NRXN3: variants seen among roughly 807,000 people sequenced by gnomAD.
NRXN3 encodes the protein neurexin III.
A neutral mutation model predicts 137.6 loss-of-function variants in NRXN3; 32 were observed. The ratio of observed to expected loss-of-function variants is 0.23; its 90% CI spans 0.18 to 0.31. The LOEUF is 0.31. Ranked by LOEUF, NRXN3 falls within the 10% of genes least tolerant of loss-of-function variation. The pLI is 1.00. For synonymous variants in NRXN3, 798 were observed against 784.5 expected (o/e 1.02, Z -0.29); for missense variants, 1,574 against 2,062.5 (o/e 0.76, Z 4.59).
At chr14:79,262,617 T>G (rs2153410384) in intron 15 of NRXN3, among the ~76,000 whole-genome samples, 1 of 152,264 alleles carries the variant, frequency 6.6e-6, no homozygotes, top group Admixed American at 6.5e-5. Flanking sequence ...TTCCAAATAT[T>G]TGTCAAAAGC....
chr14:78,420,435 T>G (rs895771379), intron 4 of NRXN3, among the ~76,000 whole-genome samples: 3 of 152,112 alleles, frequency 2.0e-5, no homozygotes, highest in Non-Finnish European at 4.4e-5. Flanking sequence ...AGGGATGCAA[T>G]AAAATTTATC....
chr14:79,187,839 T>G (rs1052482596), intron 15 of NRXN3, among the ~76,000 whole-genome samples: 1 of 152,224 alleles, frequency 6.6e-6, no homozygotes, highest in East Asian at 1.9e-4. Flanking sequence ...CTAAATTGTT[T>G]GCGACTTGAG....
At chr14:78,962,898 A>G (rs1567833582) in intron 11 of NRXN3, among the ~76,000 whole-genome samples, 1 of 151,886 alleles carries the variant, frequency 6.6e-6, no homozygotes, top group African/African-American at 2.4e-5. Flanking sequence ...ATTTTTAGTA[A>G]AGACGGGTTT....
intron 1 of NRXN3, among the ~76,000 whole-genome samples, chr14:78,237,482 G>A (rs1426581332): frequency 6.6e-6 from 1 of 152,124 alleles, no homozygotes; most frequent in Non-Finnish European, 1.5e-5. Flanking sequence ...GGTGGAGATG[G>A]ATCATACTCC....
At chr14:78,373,247 G>A (rs1340866235) in intron 4 of NRXN3, among the ~76,000 whole-genome samples, 1 of 128,500 alleles carries the variant, frequency 7.8e-6, no homozygotes. Context: ...GTGGTTGTAG[G>A]TAGGTTGGGA....
chr14:78,223,200 G>A (rs1450402154), intron 1 of NRXN3, among the ~76,000 whole-genome samples: 2 of 152,212 alleles, frequency 1.3e-5, no homozygotes, highest in Non-Finnish European at 2.9e-5. Flanking sequence ...AAAGGGGGAG[G>A]CTGAAGCATT....
intron 8 of NRXN3, among the ~76,000 whole-genome samples, chr14:78,750,746 A>C (rs1246183255): frequency 6.7e-6 from 1 of 148,396 alleles, no homozygotes; most frequent in African/African-American, 2.4e-5. Context: ...AAAAACCCCC[A>C]AACAATTATT....
In NRXN3 at chr14:79,798,057, C is replaced by T. The variant is rs552895253; in HGVS notation, c.4015-7055C>T. Among the ~76,000 whole-genome samples, 32 of 151,566 alleles carry T rather than the reference C, an allele frequency of 2.1e-4. No homozygotes were observed. In the South Asian group the frequency reaches 5.0e-3, roughly 24 times the overall value. On this transcript the variant is annotated intron_variant, in intron 19 of 20. Coordinates refer to ENST00000335750, the MANE Select transcript of NRXN3 (RefSeq NM_001330195.2). The stretch of plus-strand genomic sequence containing the variant: ...TCAAGGCTGCAGTGAGCCATGATTA[C>T]GCCCCTGCACTCCAGCCTAGGTGAC...
chr14:79,209,857 G>C (rs893153428), intron 15 of NRXN3, among the ~76,000 whole-genome samples: 4 of 152,140 alleles, frequency 2.6e-5, no homozygotes, highest in African/African-American at 7.2e-5. Flanking sequence ...ACAGCTATTA[G>C]TCTGTAGTAC....
At chr14:78,964,261 C>T (rs2099413397) in intron 11 of NRXN3, among the ~76,000 whole-genome samples, 1 of 152,190 alleles carries the variant, frequency 6.6e-6, no homozygotes. Flanking sequence ...AGGCAAATAT[C>T]ATTTTAATTA....
At chr14:78,206,314 A>T (rs1410877692) in intron 1 of NRXN3, among the ~76,000 whole-genome samples, 3 of 152,136 alleles carry the variant, frequency 2.0e-5, no homozygotes, top group African/African-American at 7.2e-5. Context: ...CTCAATGCAG[A>T]GTGTTCAGAC....
intron 15 of NRXN3, among the ~76,000 whole-genome samples, chr14:79,211,546 A>G (rs2067661646): frequency 1.3e-5 from 2 of 152,188 alleles, no homozygotes; most frequent in African/African-American, 4.8e-5. Context: ...ATGAGGAAAC[A>G]GGAGACCCTA....
At chr14:78,464,396 A>G (rs959048447) in intron 4 of NRXN3, among the ~76,000 whole-genome samples, 1 of 152,166 alleles carries the variant, frequency 6.6e-6, no homozygotes, top group African/African-American at 2.4e-5. Flanking sequence ...GTGACTAGAC[A>G]GTAAGGGAGG....
chr14:79,264,523 TGTGTGTG>T (rs1299183681), intron 15 of NRXN3, among the ~76,000 whole-genome samples: 1 of 1,468 alleles, frequency 6.8e-4, no homozygotes, highest in East Asian at 6.6e-3. Flanking sequence ...GTTTACATGA[TGTGTGTG>T]TGTGTGTGTG....
intron 4 of NRXN3, among the ~76,000 whole-genome samples, chr14:78,309,227 C>T (rs548674125): frequency 6.6e-5 from 10 of 151,596 alleles, no homozygotes; most frequent in African/African-American, 1.9e-4. Flanking sequence ...TGTAGAACCT[C>T]GTATTATATA....
At chr14:79,220,178 T>C (rs761293155) in intron 15 of NRXN3, among the ~76,000 whole-genome samples, 1 of 152,230 alleles carries the variant, frequency 6.6e-6, no homozygotes, top group Non-Finnish European at 1.5e-5. Context: ...GTTTAAAGAC[T>C]ATTGCCTACA....
At chr14:79,702,500 A>G (rs1293005560) in intron 19 of NRXN3, among the ~76,000 whole-genome samples, 1 of 152,038 alleles carries the variant, frequency 6.6e-6, no homozygotes, top group Non-Finnish European at 1.5e-5. Context: ...TGAGAGGAAC[A>G]TATTCCTGGT....
intron 19 of NRXN3, among the ~76,000 whole-genome samples, chr14:79,736,568 G>T (rs575852978): frequency 6.6e-6 from 1 of 152,160 alleles, no homozygotes; most frequent in African/African-American, 2.4e-5. Flanking sequence ...ACACCAGGTC[G>T]TGGGGGTGAC....
At chr14:79,657,555 G>T (rs1222210192) in intron 16 of NRXN3, among the ~76,000 whole-genome samples, 1 of 152,146 alleles carries the variant, frequency 6.6e-6, no homozygotes, top group Non-Finnish European at 1.5e-5. Flanking sequence ...TGCTTACTCT[G>T]TGCTTATAAA....
Sources: allele counts gnomAD v4.1 joint callset (sites outside exome capture counted in the v4.1 genomes callset), GRCh38; gene constraint gnomAD v4.1.1; transcripts MANE v1.5; gene names NCBI Gene and HGNC (gene_info 2026-07-23, HGNC 2026-07-21).